COMMD10: variants seen among roughly 807,000 people sequenced by gnomAD.
COMMD10 encodes COMM domain containing 10.
In COMMD10, 33 loss-of-function variants were observed where a neutral mutation model predicts 28.9. The ratio of observed to expected loss-of-function variants is 1.14; its 90% CI spans 0.87 to 1.53. COMMD10 has a LOEUF of 1.53. Among genes scored for constraint, COMMD10 ranks in the 40% most tolerant of loss-of-function variants. The pLI, the probability that COMMD10 is intolerant of heterozygous loss-of-function variation, is 0.00. For missense variants in COMMD10, 310 were observed against 233.4 expected, an observed-to-expected ratio of 1.33 and a Z score of -2.14; for synonymous variants, 110 against 81.7, an observed-to-expected ratio of 1.35 and a Z score of -1.87.
At chr5:116,276,957 G>T (rs145702643) in intron 5 of COMMD10, among the ~76,000 whole-genome samples, 10 of 151,792 alleles carry the variant, frequency 6.6e-5, no homozygotes, top group Non-Finnish European at 1.3e-4. Context: ...ATTAATTGTG[G>T]TGATAGTTGC....
chr5:116,223,335 C>T (rs72804898), intron 5 of COMMD10, among the ~76,000 whole-genome samples: 16,010 of 148,720 alleles, frequency 0.11, 900 homozygotes, highest in East Asian at 0.14. Flanking sequence ...AAAAAAAGTT[C>T]TTATTACAAT....
At chr5:116,167,619 C>G (rs1370163859) in intron 5 of COMMD10, among the ~76,000 whole-genome samples, 1 of 152,120 alleles carries the variant, frequency 6.6e-6, no homozygotes, top group East Asian at 1.9e-4. Context: ...GCCCATCAGA[C>G]TAACAGCGGA....
intron 4 of COMMD10, among the ~76,000 whole-genome samples, chr5:116,107,194 C>A (rs1580449705): frequency 6.6e-6 from 1 of 151,806 alleles, no homozygotes; most frequent in South Asian, 2.1e-4. Flanking sequence ...TGCGGTGTTC[C>A]CTCTATTTCC....
At chr5:116,231,543 T>C (rs1485132463) in intron 5 of COMMD10, among the ~76,000 whole-genome samples, 3 of 152,150 alleles carry the variant, frequency 2.0e-5, no homozygotes, top group Non-Finnish European at 4.4e-5. Context: ...TATACTTCAC[T>C]AAAATCTATG....
At chr5:116,220,527 G>A (rs569666776) in intron 5 of COMMD10, among the ~76,000 whole-genome samples, 1 of 152,196 alleles carries the variant, frequency 6.6e-6, no homozygotes, top group South Asian at 2.1e-4. Context: ...AGTTTCTGAG[G>A]TTGGTAGCCT....
chr5:116,178,143 A>G (rs1292894147), intron 5 of COMMD10, among the ~76,000 whole-genome samples: 1 of 152,156 alleles, frequency 6.6e-6, no homozygotes, highest in African/African-American at 2.4e-5. Context: ...AGTTAGAGAT[A>G]AGGAAAGTAA....
intron 1 of COMMD10, 64 bp downstream of exon 1, chr5:116,085,157 A>T: frequency 7.8e-7 from 1 of 1,277,104 alleles, no homozygotes; most frequent in Non-Finnish European, 1.0e-6. Context: ...GGCTCGCACA[A>T]GGCTGTCCTT....
intron 5 of COMMD10, among the ~76,000 whole-genome samples, chr5:116,286,248 CT>C (rs34873212): frequency 6.6e-6 from 1 of 150,760 alleles, no homozygotes; most frequent in East Asian, 1.9e-4. Context: ...GGTCTTCCTT[CT>C]TTTTTTCTTA....
chr5:116,242,415 C>T (rs1361966150), intron 5 of COMMD10, among the ~76,000 whole-genome samples: 3 of 152,104 alleles, frequency 2.0e-5, no homozygotes, highest in Admixed American at 6.6e-5. Flanking sequence ...TACCAGGCAC[C>T]GTGCAAGTCA....
At chr5:116,109,204 A>G (rs532384657) in intron 4 of COMMD10, among the ~76,000 whole-genome samples, 5 of 151,962 alleles carry the variant, frequency 3.3e-5, no homozygotes, top group Non-Finnish European at 7.4e-5. Flanking sequence ...ATGTTTTTCC[A>G]TTTGTTTGTG....
chr5:116,239,576 C>A (rs927440159), intron 5 of COMMD10, among the ~76,000 whole-genome samples: 1 of 152,002 alleles, frequency 6.6e-6, no homozygotes, highest in Non-Finnish European at 1.5e-5. Flanking sequence ...ATTGGAGTGG[C>A]CTTTGCAGGT....
intron 4 of COMMD10, among the ~76,000 whole-genome samples, chr5:116,097,019 T>C (rs529830352): frequency 6.6e-6 from 1 of 152,256 alleles, no homozygotes; most frequent in East Asian, 1.9e-4. Context: ...ATTAAAAATA[T>C]TTTTGTTTTC....
chr5:116,235,856 G>T (rs1040621331), intron 5 of COMMD10, among the ~76,000 whole-genome samples: 1 of 152,024 alleles, frequency 6.6e-6, no homozygotes, highest in East Asian at 1.9e-4. Context: ...CATTCAGTTC[G>T]CTTGATACTT....
At chr5:116,198,314 T>C (rs1748582246) in intron 5 of COMMD10, among the ~76,000 whole-genome samples, 1 of 152,194 alleles carries the variant, frequency 6.6e-6, no homozygotes, top group Non-Finnish European at 1.5e-5. Context: ...TTGGTTGTTA[T>C]GGAAGTCATT....
At chr5:116,263,010 G>T (rs574254592) in intron 5 of COMMD10, among the ~76,000 whole-genome samples, 7 of 151,810 alleles carry the variant, frequency 4.6e-5, no homozygotes, top group African/African-American at 1.5e-4. Context: ...GTTTATATTG[G>T]TTGTCATGCT....
intron 5 of COMMD10, among the ~76,000 whole-genome samples, chr5:116,156,373 G>A (rs1034282679): frequency 6.6e-6 from 1 of 152,062 alleles, no homozygotes; most frequent in African/African-American, 2.4e-5. Flanking sequence ...GCCTCACAAG[G>A]TTTTTCTGGA....
chr5:116,202,938 G>GT (rs1156577617), intron 5 of COMMD10, among the ~76,000 whole-genome samples: 1 of 152,066 alleles, frequency 6.6e-6, no homozygotes, highest in Non-Finnish European at 1.5e-5. Flanking sequence ...TGCTTTTGGT[G>GT]TTTTAGACAT....
chr5:116,147,630 T>C (rs1397420411), intron 5 of COMMD10, among the ~76,000 whole-genome samples: 1 of 151,838 alleles, frequency 6.6e-6, no homozygotes, highest in Non-Finnish European at 1.5e-5. Flanking sequence ...AAACATGTAT[T>C]TCACAAATGA....
chr5:116,244,029 C>G lies in COMMD10; in HGVS notation c.511-47488C>G, dbSNP rs146730399. On this transcript the variant is annotated intron_variant, in intron 5 of 6. Coordinates refer to ENST00000274458, the MANE Select transcript of COMMD10 (RefSeq NM_016144.4). The stretch of plus-strand genomic sequence containing the variant: ...GAAAAGCTGTTTCTACTAAAGATGT[C>G]TATACACACACACATATTATATATC... Among the ~76,000 whole-genome samples the G allele has an allele frequency of 2.6e-4, 39 of 152,186 alleles. 1 individual carries two copies. Among genetic ancestry groups the G allele is most frequent in the African/African-American group, 9.1e-4 (38 of 41,554 alleles).
Sources: gnomAD v4.1 joint callset for allele counts (sites outside exome capture counted in the v4.1 genomes callset) on GRCh38, gnomAD v4.1.1 for gene constraint, MANE v1.5 for transcripts, NCBI Gene and HGNC (gene_info 2026-07-23, HGNC 2026-07-21) for gene names.